FBXL22: variants seen among roughly 807,000 people sequenced by gnomAD.
The protein encoded by FBXL22 is F-box and leucine-rich protein 22.
FBXL22 carries 13 observed loss-of-function variants against 11.7 expected under a neutral mutation model. The observed-to-expected ratio is 1.11, with a 90% CI of 0.73 to 1.77. The LOEUF is 1.77. FBXL22 is among the 40% of genes most tolerant of loss of function. The pLI is 0.00. For missense variants in FBXL22, 406 were observed against 320.4 expected, an observed-to-expected ratio of 1.27 and a Z score of -2.04; for synonymous variants, 160 against 144.1, an observed-to-expected ratio of 1.11 and a Z score of -0.79.
At chr15:63,601,290 C>T (rs780249092), downstream of FBXL22, 2 of 1,574,142 alleles carry the variant, frequency 1.3e-6, no homozygotes, top group South Asian at 1.1e-5. Flanking sequence ...CTTGCTTCCG[C>T]CCCAGGCTTT....
downstream of FBXL22, among the ~76,000 whole-genome samples, chr15:63,603,600 G>C (rs1156996390): frequency 6.6e-6 from 1 of 152,222 alleles, no homozygotes; most frequent in Non-Finnish European, 1.5e-5. Context: ...ACAGATGATA[G>C]GTGAAGTCCC....
At chr15:63,599,800 G>A (rs2067335803) in intron 1 of FBXL22, 3 of 986,024 alleles carry the variant, frequency 3.0e-6, no homozygotes, top group South Asian at 9.4e-5. Flanking sequence ...TTCTGGACTG[G>A]AAGCAGGCTG....
At chr15:63,598,930 G>C (rs543308454) in intron 1 of FBXL22, among the ~76,000 whole-genome samples, 8 of 152,260 alleles carry the variant, frequency 5.3e-5, no homozygotes, top group African/African-American at 1.9e-4. Flanking sequence ...TAAGAGAACC[G>C]AGCTTAATGC....
downstream of FBXL22, chr15:63,601,496 C>T (rs2067370958): frequency 1.3e-6 from 2 of 1,549,758 alleles, no homozygotes; most frequent in Non-Finnish European, 1.7e-6. Flanking sequence ...CCCAGCGAGA[C>T]CCCGCCGGCT....
downstream of FBXL22, among the ~76,000 whole-genome samples, chr15:63,606,379 G>A (rs1403884008): frequency 6.6e-6 from 1 of 152,214 alleles, no homozygotes; most frequent in Non-Finnish European, 1.5e-5. Flanking sequence ...GATGGTCAAC[G>A]TTTGCTTGAG....
the FBXL22 span, among the ~76,000 whole-genome samples, chr15:63,608,123 C>T: frequency 6.6e-6 from 1 of 152,236 alleles, no homozygotes. Flanking sequence ...GCTGGCCTTT[C>T]TGTAACACCT....
chr15:63,601,398 C>A, downstream of FBXL22: 1 of 1,598,102 alleles, frequency 6.3e-7, no homozygotes, highest in Non-Finnish European at 8.5e-7. Flanking sequence ...GAGGACCTGA[C>A]CACTCGGAGT....
chr15:63,599,528 CTG>C, intron 1 of FBXL22: 11 of 1,112,352 alleles, frequency 9.9e-6, no homozygotes, highest in Non-Finnish European at 1.2e-5. Flanking sequence ...ATGTACAAAA[CTG>C]GGGGTGCAGA....
intron 1 of FBXL22, 94 bp from the exon 2 acceptor site, chr15:63,600,602 AG>A: frequency 8.1e-7 from 1 of 1,230,188 alleles, no homozygotes; most frequent in Non-Finnish European, 1.0e-6. Flanking sequence ...GCAGGGCCCG[AG>A]TCCTCCTCGG....
rs977587996 is a variant in FBXL22, at chr15:63,601,019, G to T, written c.676G>T (p.Gly226Cys). 5 of 1,207,462 alleles carry T rather than the reference G, an allele frequency of 4.1e-6. No individual in the cohort carries two copies. The highest frequency in any genetic ancestry group is 5.1e-6 in the Non-Finnish European group (5 of 972,714). The allele number at this position is 1,207,462 out of a possible 1,614,324, so 74.8% of individuals were successfully genotyped here. ...CCCGCGCGCGCCCGCCGCGGCCCTCGGCAAGCTGCTGCAGCGCTAGACGCC... is the reference window on the plus strand; with the variant it reads ...CCCGCGCGCGCCCGCCGCGGCCCTCTGCAAGCTGCTGCAGCGCTAGACGCC... The part of the protein sequence containing the change: ...PRPRAPAAAL[G>C]KLLQR The change falls in exon 2 of 2, where the codon GGC becomes TGC. Residue 226 changes from glycine to cysteine, a missense_variant. Gly to Cys is a radical substitution (Grantham distance 159, BLOSUM62 -3). Transcript: ENST00000638704.
chr15:63,603,841 GAC>G (rs142412509), downstream of FBXL22, among the ~76,000 whole-genome samples: 4,927 of 152,324 alleles, frequency 0.032, 98 homozygotes, highest in Middle Eastern at 0.099. Context: ...TAGCCTGTGA[GAC>G]ACAGGCTGCT....
At chr15:63,603,676 G>A (rs2067398454), downstream of FBXL22, among the ~76,000 whole-genome samples, 1 of 152,242 alleles carries the variant, frequency 6.6e-6, no homozygotes, top group Non-Finnish European at 1.5e-5. Context: ...TCCCACACCA[G>A]CCCTTCTGGG....
intron 1 of FBXL22, chr15:63,599,111 T>G: frequency 2.4e-6 from 3 of 1,229,532 alleles, no homozygotes; most frequent in Non-Finnish European, 3.5e-6. Flanking sequence ...TGCAACCTCA[T>G]TTCTTCTTCT....
At chr15:63,599,384 C>A in intron 1 of FBXL22, 1 of 1,403,804 alleles carries the variant, frequency 7.1e-7, no homozygotes. Flanking sequence ...ATCCTTATAA[C>A]CACCTTGAAG....
chr15:63,600,840 C>A lies in FBXL22; in HGVS notation c.497C>A (p.Ala166Asp). 1 of 1,230,422 alleles carries A rather than the reference C, an allele frequency of 8.1e-7. No individual in the cohort carries two copies. The highest frequency in any genetic ancestry group is 3.2e-5 in the East Asian group (1 of 31,668). 76.2% of individuals were successfully genotyped at this position (1,230,422 alleles called of 1,614,324 possible). The change falls in exon 2 of 2, where the codon GCC becomes GAC. Residue 166 changes from alanine to aspartate, a missense_variant. By Grantham distance (126) the Ala-to-Asp change is moderately radical. Coordinates refer to ENST00000638704, the MANE Select transcript of FBXL22 (RefSeq NM_001367807.1). Reference sequence around the variant, plus strand: ...CGCGTCACCAACCGCACGTTGGCTGCCGTGGCGGCGGACGGGCGCGCGCTG... The same window carrying A: ...CGCGTCACCAACCGCACGTTGGCTGACGTGGCGGCGGACGGGCGCGCGCTG... ...CARVTNRTLA[A>D]VAADGRALQT...
chr15:63,598,955 G>A (rs1428998088), intron 1 of FBXL22, among the ~76,000 whole-genome samples: 1 of 152,168 alleles, frequency 6.6e-6, no homozygotes, highest in African/African-American at 2.4e-5. Context: ...AACCTGCAAG[G>A]TGTGAAGTGG....
downstream of FBXL22, among the ~76,000 whole-genome samples, chr15:63,604,382 A>G (rs1201148580): frequency 1.3e-5 from 2 of 152,078 alleles, no homozygotes; most frequent in Admixed American, 6.6e-5. Flanking sequence ...TAACCCTCCA[A>G]TGCCAACTAA....
chr15:63,605,897 CAG>C (rs910106930), downstream of FBXL22, among the ~76,000 whole-genome samples: 34 of 152,330 alleles, frequency 2.2e-4, no homozygotes, highest in African/African-American at 7.9e-4. Context: ...CCAGTGCCGG[CAG>C]AGAGACCAGG....
downstream of FBXL22, among the ~76,000 whole-genome samples, chr15:63,606,118 C>G (rs1204563220): frequency 6.6e-6 from 1 of 152,196 alleles, no homozygotes; most frequent in Non-Finnish European, 1.5e-5. Flanking sequence ...TCGGGGCACA[C>G]CTATGATCCA....
Sources: gnomAD v4.1 joint callset for allele counts (sites outside exome capture counted in the v4.1 genomes callset) on GRCh38, gnomAD v4.1.1 for gene constraint, MANE v1.5 for transcripts, NCBI Gene and HGNC (gene_info 2026-07-23, HGNC 2026-07-21) for gene names.